Variants in PDHX observed in about 807,000 individuals in gnomAD.
The protein encoded by PDHX is pyruvate dehydrogenase complex component X, also known as pyruvate dehydrogenase protein X component, mitochondrial.
A neutral mutation model predicts 55.3 loss-of-function variants in PDHX; 33 were observed. The ratio of observed to expected loss-of-function variants is 0.60; its 90% CI spans 0.45 to 0.80. PDHX has a LOEUF of 0.80. Ranked by LOEUF, PDHX falls within the 30% of genes least tolerant of loss-of-function variation. The pLI, the probability that PDHX is intolerant of heterozygous loss-of-function variation, is 0.00. For synonymous variants in PDHX, 226 were observed against 219.4 expected, an observed-to-expected ratio of 1.03 and a Z score of -0.27; for missense variants, 622 against 619.9, an observed-to-expected ratio of 1.00 and a Z score of -0.04.
intron 2 of PDHX, among the ~76,000 whole-genome samples, chr11:34,946,017 A>G (rs1161709827): frequency 6.6e-6 from 1 of 152,210 alleles, no homozygotes. Flanking sequence ...TCAGAACTCC[A>G]TTAGCAAACA....
intron 7 of PDHX, among the ~76,000 whole-genome samples, chr11:34,977,173 A>G (rs1390341271): frequency 1.3e-5 from 2 of 152,096 alleles, no homozygotes; most frequent in Non-Finnish European, 1.5e-5. Context: ...TGCCTTTGGA[A>G]TGAGCTGTTA....
Position 34,995,124 on chromosome 11 carries a change from T to G in PDHX, c.1458T>G (p.Phe486Leu). 1 of 1,614,048 alleles carries G rather than the reference T, an allele frequency of 6.2e-7. No individual in the cohort carries two copies. ...RVVDDELATR[F>L]LKSFKANLEN... ...TTGATGACGAACTGGCAACCAGGTT[T>G]CTTAAAAGTTTTAAAGCAAACCTAG... Residue 486 changes from phenylalanine to leucine, a missense_variant, in exon 11 of 11, where the codon TTT (phenylalanine) becomes TTG (leucine). Transcript: ENST00000227868.
intron 8 of PDHX, among the ~76,000 whole-genome samples, chr11:34,980,194 T>C (rs1215096517): frequency 1.3e-5 from 2 of 151,466 alleles, no homozygotes; most frequent in Non-Finnish European, 2.9e-5. Flanking sequence ...GTGCCTGGGG[T>C]TATTCTGACC....
At chr11:34,963,199 A>G (rs112751635) in intron 5 of PDHX, among the ~76,000 whole-genome samples, 2 of 152,186 alleles carry the variant, frequency 1.3e-5, no homozygotes, top group African/African-American at 4.8e-5. Context: ...GTCTTCTGCT[A>G]TGGTTGAAAA....
intron 9 of PDHX, among the ~76,000 whole-genome samples, 166 bp from the exon 10 acceptor site, chr11:34,992,149 T>C (rs1358857453): frequency 6.6e-6 from 1 of 152,162 alleles, no homozygotes; most frequent in African/African-American, 2.4e-5. Flanking sequence ...GAATTATCTG[T>C]GCTCTTGTTT....
intron 1 of PDHX, among the ~76,000 whole-genome samples, chr11:34,927,837 T>C (rs1854059451): frequency 6.6e-6 from 1 of 152,112 alleles, no homozygotes; most frequent in African/African-American, 2.4e-5. Flanking sequence ...GTCCAAAATA[T>C]CTTTCTTTGG....
Position 34,984,574 on chromosome 11 carries a change from T to G in PDHX, c.1028T>G (p.Met343Arg). The stretch of plus-strand genomic sequence containing the variant: ...TTTTTCTTTTTCTATTTCTAGCAAA[T>G]GCCAGATGTTAATGTAAGCTGGGAT... ...IKAAAVTLKQ[M>R]PDVNVSWDGE... The change falls in exon 9 of 11, where the codon ATG (methionine) becomes AGG (arginine). Residue 343 changes from methionine (M) to arginine (R), a missense_variant. Met to Arg is a moderately conservative substitution (Grantham distance 91). Coordinates refer to ENST00000227868, the MANE Select transcript of PDHX (RefSeq NM_003477.3). 1 of 1,614,008 alleles carries G rather than the reference T, an allele frequency of 6.2e-7. No individual in the cohort carries two copies. Among genetic ancestry groups the G allele is most frequent in the Non-Finnish European group, 8.5e-7 (1 of 1,179,910 alleles).
At chr11:34,934,291 A>G (rs1328201944) in intron 2 of PDHX, among the ~76,000 whole-genome samples, 2 of 152,224 alleles carry the variant, frequency 1.3e-5, no homozygotes, top group East Asian at 1.9e-4. Context: ...CTGTAGCTCT[A>G]TCATTTTCCA....
chr11:34,958,335 T>C (rs1186014054), intron 4 of PDHX, among the ~76,000 whole-genome samples: 1 of 152,052 alleles, frequency 6.6e-6, no homozygotes, highest in East Asian at 1.9e-4. Context: ...AGTTTTGATC[T>C]CATTGTCCAG....
Position 34,931,440 on chromosome 11 carries a change from C to G in PDHX, c.197C>G (p.Pro66Arg). Residue 66 changes from proline to arginine, a missense_variant, in exon 2 of 11, where the codon CCT becomes CGT. Physicochemically the swap from Pro to Arg is moderately radical, Grantham distance 103. Transcript: ENST00000227868. ...AAGATACTAATGCCATCACTGTCTC[C>G]TACAATGGAAGAAGGAAACATTGTG... ...PIKILMPSLS[P>R]TMEEGNIVKW... is the part of the protein sequence containing the mutation. The G allele has an allele frequency of 6.2e-7, 1 of 1,608,160 alleles. No individual in the cohort carries two copies. The highest frequency in any genetic ancestry group is 1.1e-5 in the South Asian group (1 of 90,686).
chr11:34,994,256 T>C (rs116915009), intron 10 of PDHX, among the ~76,000 whole-genome samples: 2,455 of 152,366 alleles, frequency 0.016, 170 homozygotes, highest in Admixed American at 0.12. Context: ...AGCATGTTAC[T>C]CTACTGAATA....
chr11:34,944,838 A>G (rs1055667432), intron 2 of PDHX, among the ~76,000 whole-genome samples: 1 of 152,018 alleles, frequency 6.6e-6, no homozygotes, highest in Non-Finnish European at 1.5e-5. Context: ...TTTTATTTTC[A>G]TATCCATTTT....
intron 6 of PDHX, 47 bp downstream of exon 6, chr11:34,966,861 T>G (rs1015325578): frequency 6.4e-7 from 1 of 1,556,360 alleles, no homozygotes. Flanking sequence ...TGTTTTTCTT[T>G]TTTTTTTTGA....
intron 10 of PDHX, among the ~76,000 whole-genome samples, chr11:34,993,948 G>T (rs1026604208): frequency 6.6e-6 from 1 of 152,046 alleles, no homozygotes; most frequent in Admixed American, 6.6e-5. Flanking sequence ...TAGAGGTCTT[G>T]TATATGTTTC....
At position 34,963,269 on chromosome 11, in the gene PDHX, C is replaced by A. The variant is rs373053479; in HGVS notation, c.641+2751C>A. Among the ~76,000 whole-genome samples, 4 of 151,956 alleles carry A rather than the reference C, an allele frequency of 2.6e-5. No homozygotes were observed. In the East Asian group the frequency reaches 7.7e-4, roughly 29 times the overall value. ...CTTAGCACACTTTTTTATTTTTTAA[C>A]GTTTTGAATTTTTTTTTCTTTAAGA... is the stretch of plus-strand genomic sequence containing the variant. On this transcript the variant is annotated intron_variant, in intron 5 of 10. Transcript: ENST00000227868.
At chr11:34,919,395 T>A (rs1397238732) in intron 1 of PDHX, among the ~76,000 whole-genome samples, 1 of 152,258 alleles carries the variant, frequency 6.6e-6, no homozygotes, top group Non-Finnish European at 1.5e-5. Flanking sequence ...TATTGAACTG[T>A]TTCGTCTTTC....
intron 3 of PDHX, among the ~76,000 whole-genome samples, chr11:34,954,676 T>TA (rs1854864422): frequency 6.6e-6 from 1 of 152,158 alleles, no homozygotes; most frequent in Admixed American, 6.5e-5. Flanking sequence ...TGTATTGTTT[T>TA]AAAAAATCCA....
chr11:34,929,763 G>A (rs936763890), intron 1 of PDHX, among the ~76,000 whole-genome samples: 4 of 152,172 alleles, frequency 2.6e-5, no homozygotes, highest in African/African-American at 9.7e-5. Flanking sequence ...TTGATGAAAT[G>A]GGCGTGTTTG....
upstream of PDHX, chr11:34,916,345 G>A (rs1489670708): frequency 3.1e-6 from 5 of 1,594,862 alleles, no homozygotes; most frequent in Admixed American, 5.2e-5. Context: ...GCGGCGCTTA[G>A]CCTGGGATAC....
Sources: gnomAD v4.1 joint callset for allele counts (sites outside exome capture counted in the v4.1 genomes callset) on GRCh38, gnomAD v4.1.1 for gene constraint, MANE v1.5 for transcripts, NCBI Gene and HGNC (gene_info 2026-07-23, HGNC 2026-07-21) for gene names.